Variants in RHCE observed in about 807,000 individuals in gnomAD.
RHCE encodes blood group Rh(CE) polypeptide.
RHCE carries 22 observed loss-of-function variants against 43.8 expected under a neutral mutation model. The observed-to-expected ratio is 0.50, with a 90% CI of 0.36 to 0.72. The LOEUF is 0.72. RHCE is among the 30% of genes least tolerant of loss of function. The probability of loss-of-function intolerance (pLI) is 0.00; values close to 1 mark genes in which losing one functional copy is unlikely to be tolerated. For missense variants in RHCE, 385 were observed against 525.4 expected, an observed-to-expected ratio of 0.73 and a Z score of 2.61; for synonymous variants, 156 against 210.7, an observed-to-expected ratio of 0.74 and a Z score of 2.25.
At chr1:25,399,019 C>G in intron 3 of RHCE, 1 of 1,533,656 alleles carries the variant, frequency 6.5e-7, no homozygotes, top group Non-Finnish European at 9.0e-7. Flanking sequence ...GCAGCCCTCA[C>G]TCTTCATGGT....
At chr1:25,390,267 T>C (rs1487278617) in intron 5 of RHCE, among the ~76,000 whole-genome samples, 1 of 152,232 alleles carries the variant, frequency 6.6e-6, no homozygotes, top group East Asian at 1.9e-4. Flanking sequence ...CATCTCTTAA[T>C]TCTCACTTTA....
intron 7 of RHCE, among the ~76,000 whole-genome samples, chr1:25,376,372 A>G (rs1269077555): frequency 6.6e-6 from 1 of 152,164 alleles, no homozygotes; most frequent in Non-Finnish European, 1.5e-5. Context: ...GTTGTACACA[A>G]CAAGCCAGTT....
At chr1:25,392,711 C>T (rs1225785192) in intron 3 of RHCE, among the ~76,000 whole-genome samples, 3 of 151,908 alleles carry the variant, frequency 2.0e-5, no homozygotes, top group African/African-American at 7.3e-5. Context: ...GCTGGGATTA[C>T]AGGAGTGCAC....
intron 5 of RHCE, among the ~76,000 whole-genome samples, 155 bp from the exon 6 acceptor site, chr1:25,389,268 G>A (rs1317202161): frequency 6.6e-6 from 1 of 152,030 alleles, no homozygotes; most frequent in Non-Finnish European, 1.5e-5. Flanking sequence ...GGGGCTACGT[G>A]TCCTTCATCA....
intron 7 of RHCE, chr1:25,385,451 T>A: frequency 1.8e-6 from 1 of 550,292 alleles, no homozygotes; most frequent in Non-Finnish European, 3.4e-6. Flanking sequence ...TCTGTGTTTG[T>A]GGGGTCACAG....
chr1:25,370,981 C>T (rs1645593816), intron 8 of RHCE, among the ~76,000 whole-genome samples: 1 of 148,754 alleles, frequency 6.7e-6, no homozygotes. Flanking sequence ...GTCTCGAACT[C>T]CTGACCTCAG....
Position 25,390,764 on chromosome 1 carries a change from T to G in RHCE, c.786A>C (p.Gln262His), listed in dbSNP as rs759412437. Reference sequence around the variant, plus strand: ...CCCTGCTCACCATGCTGATCTTCCTTTGGGGGTGAGCCAAGGATGACCCTG... The same window carrying G: ...CCCTGCTCACCATGCTGATCTTCCTGTGGGGGTGAGCCAAGGATGACCCTG... ...AISGSSLAHP[Q>H]RKISMTYVHS... Residue 262 changes from glutamine to histidine, a missense_variant, in exon 5 of 10, where the codon CAA (glutamine) becomes CAC (histidine). This residue lies in a region of RHCE where 56 missense variants were observed against 90.0 expected (regional missense o/e 0.62). Transcript: ENST00000294413. 1 of 1,614,176 alleles carries G rather than the reference T, an allele frequency of 6.2e-7. No individual in the cohort carries two copies. Among genetic ancestry groups the G allele is most frequent in the East Asian group, 2.2e-5 (1 of 44,878 alleles).
upstream of RHCE, among the ~76,000 whole-genome samples, chr1:25,423,766 T>TA (rs2042784882): frequency 6.6e-6 from 1 of 152,200 alleles, no homozygotes; most frequent in African/African-American, 2.4e-5. Context: ...AAAAACCAAA[T>TA]ACAGTAAAAT....
chr1:25,429,741 G>T (rs991477146), intron 1 of RHCE, among the ~76,000 whole-genome samples: 4 of 152,068 alleles, frequency 2.6e-5, no homozygotes, highest in Admixed American at 1.3e-4. Context: ...AACTGTATTT[G>T]TGTTAATGTG....
upstream of RHCE, among the ~76,000 whole-genome samples, chr1:25,425,615 G>C (rs1029987917): frequency 1.3e-5 from 2 of 152,262 alleles, no homozygotes; most frequent in East Asian, 3.8e-4. Flanking sequence ...CTGGCAGCCT[G>C]AGTTACGGAA....
intron 1 of RHCE, among the ~76,000 whole-genome samples, chr1:25,413,337 G>A (rs184382475): frequency 6.2e-4 from 95 of 152,136 alleles, no homozygotes; most frequent in African/African-American, 1.8e-3. Context: ...ATTTCCACCC[G>A]TCCATTATCT....
chr1:25,386,988 A>G (rs1255167619), intron 6 of RHCE, among the ~76,000 whole-genome samples: 3 of 151,776 alleles, frequency 2.0e-5, no homozygotes, highest in Non-Finnish European at 2.9e-5. Context: ...CTGAGATTGC[A>G]CCACTGCACT....
upstream of RHCE, chr1:25,420,918 C>T (rs771559205): frequency 7.8e-4 from 1,205 of 1,546,482 alleles, 7 homozygotes; most frequent in Middle Eastern, 1.4e-3. Context: ...GCAAGGCTGG[C>T]TGTGCTGGCC....
intron 1 of RHCE, among the ~76,000 whole-genome samples, chr1:25,417,470 C>T (rs1381817397): frequency 6.6e-6 from 1 of 152,136 alleles, no homozygotes; most frequent in Non-Finnish European, 1.5e-5. Context: ...AGTGAAACTT[C>T]TCCTTGTACA....
At chr1:25,388,951 G>A (rs1646267726) in intron 6 of RHCE, 25 bp downstream of exon 6, 1 of 1,614,264 alleles carries the variant, frequency 6.2e-7, no homozygotes, top group African/African-American at 1.3e-5. Flanking sequence ...CCAAAGCAGA[G>A]AGCATTAGTT....
At chr1:25,414,878 T>C (rs1647261695) in intron 1 of RHCE, among the ~76,000 whole-genome samples, 1 of 152,168 alleles carries the variant, frequency 6.6e-6, no homozygotes, top group Admixed American at 6.6e-5. Context: ...CCCAGCCCAG[T>C]TGTTGCACCA....
At chr1:25,379,484 T>TAC (rs1645914322) in intron 7 of RHCE, among the ~76,000 whole-genome samples, 1 of 16,780 alleles carries the variant, frequency 6.0e-5, no homozygotes, top group Non-Finnish European at 8.4e-5. Flanking sequence ...TATATATATA[T>TAC]ATATATATAT....
intron 4 of RHCE, among the ~76,000 whole-genome samples, chr1:25,391,455 G>A (rs1442891131): frequency 6.6e-6 from 1 of 151,804 alleles, no homozygotes; most frequent in African/African-American, 2.4e-5. Flanking sequence ...CCAAAGTGCT[G>A]GGATTACAGG....
At position 25,374,255 on chromosome 1, in the gene RHCE, A is replaced by AT. The variant is rs1571834113; in HGVS notation, c.1153+1093dup. ...AGGTGCCCACCACCACGCCTGGCTA[A>AT]TTTTTTAATTTTTAGTAGAGACAGG... On this transcript the variant is annotated intron_variant, in intron 8 of 9. Coordinates refer to ENST00000294413, the MANE Select transcript of RHCE (RefSeq NM_020485.8). 2.0e-5 allele frequency among the ~76,000 whole-genome samples: 3 copies of AT among 151,734 alleles called. 1 individual carries two copies. The East Asian group carries it at 5.8e-4, about 30-fold the overall frequency.
Sources: gnomAD v4.1 joint callset for allele counts (sites outside exome capture counted in the v4.1 genomes callset) on GRCh38, gnomAD v4.1.1 for gene constraint, gnomAD v4.1.1 regional missense constraint, MANE v1.5 for transcripts, NCBI Gene and HGNC (gene_info 2026-07-23, HGNC 2026-07-21) for gene names.